The following RANBP2 variants were observed in gnomAD, a reference collection of about 807,000 sequenced individuals.
The protein encoded by RANBP2 is RAN binding protein 2.
Under a neutral mutation model 303.6 loss-of-function variants are expected in RANBP2, and 57 were observed. The observed-to-expected ratio is 0.19, with a 90% CI of 0.15 to 0.23. The LOEUF (loss-of-function observed/expected upper bound fraction) is 0.23, where lower values mean the gene tolerates loss of function less well. RANBP2 is among the 10% of genes least tolerant of loss of function. The pLI, the probability that RANBP2 is intolerant of heterozygous loss-of-function variation, is 1.00. For missense variants in RANBP2, 3,138 were observed against 3,780.8 expected (o/e 0.83, Z 4.46); for synonymous variants, 1,167 against 1,301.5 (o/e 0.90, Z 2.23).
At chr2:108,944,932 G>A in the RANBP2 span, among the ~76,000 whole-genome samples, 1 of 152,190 alleles carries the variant, frequency 6.6e-6, no homozygotes, top group African/African-American at 2.4e-5. Context: ...TGAGCAGAAG[G>A]CCTAGGGTGT....
rs778309107 is a variant in RANBP2, at chr2:108,765,823, C to T, written c.5284C>T (p.Pro1762Ser). 1.2e-6 allele frequency: 2 copies of T among 1,614,050 alleles called. No individual in the cohort carries two copies. Among genetic ancestry groups the T allele is most frequent in the Non-Finnish European group, 1.7e-6 (2 of 1,179,984 alleles). The change falls in exon 20 of 29, where the codon CCT becomes TCT. Residue 1762 changes from proline to serine, a missense_variant. By Grantham distance (74) the Pro-to-Ser change is moderately conservative. Around this residue, in one of 20 missense-constraint regions of RANBP2, gnomAD observed 348 missense variants for 360.4 expected, o/e 0.97. Transcript: ENST00000283195. ...AAATCAAACAACTGCAATTTCAACA[C>T]CTGCCTCTTCGGAGATAAGCAAGGC... The part of the protein sequence containing the change: ...KQNQTTAIST[P>S]ASSEISKAPK...
the RANBP2 span, chr2:108,912,879 G>A: frequency 8.0e-5 from 63 of 787,420 alleles, 1 homozygote; most frequent in Admixed American, 7.6e-4. Flanking sequence ...GGCAGTGATG[G>A]CTGAGGGGAG....
the RANBP2 span, among the ~76,000 whole-genome samples, chr2:109,422,557 G>A: frequency 6.6e-6 from 1 of 152,232 alleles, no homozygotes; most frequent in Non-Finnish European, 1.5e-5. Context: ...AGGCGACTGT[G>A]AGTCTGCAGA....
intron 28 of RANBP2, 141 bp from the exon 29 acceptor site, chr2:108,783,455 G>A (rs1011844476): frequency 2.4e-5 from 12 of 509,880 alleles, no homozygotes; most frequent in African/African-American, 4.1e-5. Flanking sequence ...GAATTTCTTA[G>A]TTTTCAAACT....
At chr2:109,514,248 T>C in the RANBP2 span, among the ~76,000 whole-genome samples, 7 of 152,308 alleles carry the variant, frequency 4.6e-5, no homozygotes, top group Middle Eastern at 6.8e-3. Flanking sequence ...TGGAATCTTA[T>C]TATGATTCAT....
intron 9 of RANBP2, 71 bp from the exon 10 acceptor site, chr2:108,751,193 T>G: frequency 6.2e-7 from 1 of 1,609,148 alleles, no homozygotes; most frequent in South Asian, 1.1e-5. Context: ...TGTGAATTGT[T>G]TATGTTGGCA....
the RANBP2 span, among the ~76,000 whole-genome samples, chr2:108,840,635 C>T: frequency 6.6e-6 from 1 of 151,958 alleles, no homozygotes; most frequent in South Asian, 2.1e-4. Flanking sequence ...TTCTCTTATC[C>T]TTTTGATGTT....
At chr2:108,861,777 G>A in the RANBP2 span, among the ~76,000 whole-genome samples, 3 of 150,474 alleles carry the variant, frequency 2.0e-5, no homozygotes, top group African/African-American at 2.4e-5. Flanking sequence ...CACCGCGCCC[G>A]GCCTAAACCT....
intron 14 of RANBP2, 126 bp from the exon 15 acceptor site, chr2:108,753,699 T>C: frequency 6.3e-7 from 1 of 1,577,480 alleles, no homozygotes; most frequent in Non-Finnish European, 8.6e-7. Flanking sequence ...CTTCCCAGGC[T>C]CAAGCGATTC....
chr2:109,272,557 A>C, the RANBP2 span, among the ~76,000 whole-genome samples: 1 of 152,180 alleles, frequency 6.6e-6, no homozygotes, highest in East Asian at 1.9e-4. Flanking sequence ...GATGATGTCT[A>C]CTTGGGCTGA....
the RANBP2 span, among the ~76,000 whole-genome samples, chr2:109,593,655 C>T: frequency 1.3e-5 from 2 of 152,072 alleles, no homozygotes; most frequent in Non-Finnish European, 2.9e-5. Context: ...TGGCCTGCCT[C>T]GGCCTCCCAG....
At chr2:109,563,064 C>T in the RANBP2 span, among the ~76,000 whole-genome samples, 1 of 152,066 alleles carries the variant, frequency 6.6e-6, no homozygotes, top group Non-Finnish European at 1.5e-5. Context: ...AAGTGTGCCA[C>T]CATACCCAGC....
chr2:109,119,617 T>C, the RANBP2 span, among the ~76,000 whole-genome samples: 1 of 152,256 alleles, frequency 6.6e-6, no homozygotes, highest in Non-Finnish European at 1.5e-5. Context: ...TGCAGTGCTA[T>C]AGCTTAATAA....
the RANBP2 span, among the ~76,000 whole-genome samples, chr2:108,909,980 TGGAG>T: frequency 6.6e-6 from 1 of 152,166 alleles, no homozygotes; most frequent in African/African-American, 2.4e-5. Context: ...TCCTGGGCTG[TGGAG>T]GGAGGATGTG....
At chr2:108,824,596 C>T in the RANBP2 span, among the ~76,000 whole-genome samples, 2 of 151,894 alleles carry the variant, frequency 1.3e-5, no homozygotes, top group Admixed American at 1.3e-4. Flanking sequence ...TTACATTTAA[C>T]TTTTTTTTAA....
chr2:108,780,279 G>A (rs1333396466), intron 25 of RANBP2, among the ~76,000 whole-genome samples: 4 of 142,544 alleles, frequency 2.8e-5, no homozygotes, highest in African/African-American at 1.1e-4. Context: ...TGCAACCTCC[G>A]CCTCCCAAGT....
chr2:109,473,852 A>C, the RANBP2 span, among the ~76,000 whole-genome samples: 1 of 151,908 alleles, frequency 6.6e-6, no homozygotes, highest in Middle Eastern at 3.2e-3. Context: ...GGTGTCCCTG[A>C]ACCGCTCTCC....
chr2:108,733,200 C>T (rs1212351905), intron 4 of RANBP2, among the ~76,000 whole-genome samples: 1 of 150,990 alleles, frequency 6.6e-6, no homozygotes, highest in Non-Finnish European at 1.5e-5. Context: ...TTTGTATATC[C>T]ATAGTTGGTT....
chr2:109,262,297 T>G, the RANBP2 span, among the ~76,000 whole-genome samples: 7 of 152,200 alleles, frequency 4.6e-5, no homozygotes, highest in African/African-American at 1.7e-4. Context: ...ATGGGAGAGA[T>G]AAATGTCTCG....
Sources: allele counts gnomAD v4.1 joint callset (sites outside exome capture counted in the v4.1 genomes callset), GRCh38; gene constraint gnomAD v4.1.1; regional missense constraint gnomAD v4.1.1; transcripts MANE v1.5; gene names NCBI Gene and HGNC (gene_info 2026-07-23, HGNC 2026-07-21).